Variants in MS4A2 observed in about 807,000 individuals in gnomAD.
MS4A2 encodes the protein membrane spanning 4-domains A2.
Under a neutral mutation model 27.9 loss-of-function variants are expected in MS4A2, and 26 were observed. The ratio of observed to expected loss-of-function variants is 0.93; its 90% CI spans 0.68 to 1.29. The LOEUF is 1.29. MS4A2 is among the 50% of genes most tolerant of loss of function. MS4A2 has a pLI of 0.00. For missense variants in MS4A2, 284 were observed against 284.6 expected (o/e 1.00, Z 0.01); for synonymous variants, 110 against 98.8 (o/e 1.11, Z -0.67).
At position 60,093,498 on chromosome 11, in the gene MS4A2, C is replaced by T; in HGVS notation, c.477C>T (p.Ile159=). The T allele has an allele frequency of 1.2e-6, 2 of 1,614,214 alleles. No individual in the cohort carries two copies. The highest frequency in any genetic ancestry group is 1.7e-6 in the Non-Finnish European group (2 of 1,180,038). Residue 159 remains isoleucine, a synonymous_variant, in exon 5 of 7, where the codon ATC becomes ATT. Transcript: ENST00000278888. ...ACCTGAAGAAGAGCTTGGCCTATAT[C>T]CACATCCACAGTTGCCAGAAATTTT... ...IINLKKSLAY[I]HIHSCQKFFE...
rs748427795 is a variant in MS4A2 at position 60,093,388 on chromosome 11, C to T, written c.379-12C>T. ...TGCAGGCCCAGGTCTGAGTGTTCTT[C>T]ATTATTATCAGGTGAGAGGAAGCCT... On this transcript the variant is annotated splice_polypyrimidine_tract_variant and intron_variant, in intron 4 of 6. Transcript: ENST00000278888. 3.1e-6 allele frequency: 5 copies of T among 1,614,114 alleles called. No individual in the cohort carries two copies. The highest frequency in any genetic ancestry group is 4.2e-6 in the Non-Finnish European group (5 of 1,180,012).
At position 60,095,879 on chromosome 11, in the gene MS4A2, A is replaced by G. The variant is rs1449837021; in HGVS notation, c.*223A>G. The G allele has an allele frequency of 3.7e-6, 2 of 545,612 alleles. No individual in the cohort carries two copies. The highest frequency in any genetic ancestry group is 1.9e-5 in the African/African-American group (1 of 52,478). 33.8% of individuals were successfully genotyped at this position (545,612 alleles called of 1,614,324 possible). A position where few individuals can be genotyped will look rare whatever the true frequency, so the allele number is the denominator to read the frequency against. ...ACTCCTATTTTTCTTGTTTTATATT[A>G]TGACCACACACATCTCTGCTGGAAA... On this transcript the variant is annotated 3_prime_UTR_variant, in exon 7 of 7. Coordinates refer to ENST00000278888, the MANE Select transcript of MS4A2 (RefSeq NM_000139.5).
chr11:60,093,961 T>A lies in MS4A2; in HGVS notation c.538-3T>A, dbSNP rs934640744. On this transcript the variant is annotated splice_polypyrimidine_tract_variant and splice_region_variant and intron_variant, in intron 5 of 6. Transcript: ENST00000278888. Reference sequence around the variant, plus strand: ...TTGTTTGTCATTTGTTGCTGTTCAATAGGAAATTGTAGTGATGATGCTGTT... The same window carrying A: ...TTGTTTGTCATTTGTTGCTGTTCAAAAGGAAATTGTAGTGATGATGCTGTT... 1.2e-6 allele frequency: 2 copies of A among 1,609,516 alleles called. No homozygotes were observed. The highest frequency in any genetic ancestry group is 2.7e-5 in the African/African-American group (2 of 74,844).
chr11:60,095,396 A>T (rs1160830561), intron 6 of MS4A2, among the ~76,000 whole-genome samples, 162 bp from the exon 7 acceptor site: 1 of 152,230 alleles, frequency 6.6e-6, no homozygotes, highest in East Asian at 1.9e-4. Context: ...TTGGCCAGCT[A>T]GTCTGGTTTG....
chr11:60,092,955 G>A (rs1855793419), intron 4 of MS4A2, 107 bp downstream of exon 4: 7 of 1,082,236 alleles, frequency 6.5e-6, no homozygotes, highest in Non-Finnish European at 1.4e-6. Flanking sequence ...ACTTGTGAAT[G>A]TGGATATATG....
chr11:60,094,740 G>T (rs1368511598), intron 6 of MS4A2, among the ~76,000 whole-genome samples: 1 of 152,192 alleles, frequency 6.6e-6, no homozygotes, highest in Non-Finnish European at 1.5e-5. Context: ...CTTGAAGTCA[G>T]GAGTTCAAAA....
At chr11:60,091,295 A>G (rs925336051) in intron 3 of MS4A2, among the ~76,000 whole-genome samples, 2 of 152,198 alleles carry the variant, frequency 1.3e-5, no homozygotes, top group East Asian at 1.9e-4. Flanking sequence ...TTCTCCTGGT[A>G]TCTCTTTTAC....
At chr11:60,095,232 C>T (rs1267995428) in intron 6 of MS4A2, among the ~76,000 whole-genome samples, 5 of 152,138 alleles carry the variant, frequency 3.3e-5, no homozygotes, top group Non-Finnish European at 5.9e-5. Context: ...CACTGCACTC[C>T]AGCCTGGGTG....
intron 3 of MS4A2, among the ~76,000 whole-genome samples, chr11:60,092,378 C>A (rs71488436): frequency 1.3e-5 from 2 of 151,514 alleles, no homozygotes; most frequent in African/African-American, 2.4e-5. Context: ...TCACTGCAAC[C>A]TCTGCCTCCC....
Position 60,092,827 on chromosome 11 carries a change from A to T in MS4A2, c.357A>T (p.Glu119Asp), listed in dbSNP as rs765350132. ...CTGGAATGTTGTCAATTATATCTGA[A>T]AGGAGAAATGCAACATATCTGGTGA... ...SISGMLSIISERRNATYLVRG... is the reference protein window; with the variant it reads ...SISGMLSIISDRRNATYLVRG... The change falls in exon 4 of 7, where the codon GAA becomes GAT. Residue 119 changes from glutamate (E) to aspartate (D), a missense_variant. Physicochemically the swap from Glu to Asp is conservative, Grantham distance 45. Coordinates refer to ENST00000278888, the MANE Select transcript of MS4A2 (RefSeq NM_000139.5). 1 of 1,614,008 alleles carries T rather than the reference A, an allele frequency of 6.2e-7. No homozygotes were observed. Among genetic ancestry groups the T allele is most frequent in the Admixed American group, 1.7e-5 (1 of 60,022 alleles).
rs1855890619 is a variant in MS4A2, at chr11:60,097,474, A to G, written c.*1818A>G. The G allele has an allele frequency of 6.6e-6, 1 of 152,244 alleles. No homozygotes were observed. The highest frequency in any genetic ancestry group is 2.4e-5 in the African/African-American group (1 of 41,470). 9.4% of individuals were successfully genotyped at this position (152,244 alleles called of 1,614,324 possible). A position where few individuals can be genotyped will look rare whatever the true frequency, so the allele number is the denominator to read the frequency against. ...ATTGTGATGAGTAAATGAATAAAAC[A>G]TTTGCAAAGACCTTTAGAGAAAGAG... is the stretch of plus-strand genomic sequence containing the variant. On this transcript the variant is annotated 3_prime_UTR_variant, in exon 7 of 7. Coordinates refer to ENST00000278888, the MANE Select transcript of MS4A2 (RefSeq NM_000139.5).
upstream of MS4A2, chr11:60,088,605 G>T: frequency 6.8e-7 from 1 of 1,473,828 alleles, no homozygotes; most frequent in East Asian, 2.5e-5. Flanking sequence ...AATCAGCCAA[G>T]AAACTTATCT....
intron 2 of MS4A2, 61 bp downstream of exon 2, chr11:60,089,882 G>A (rs1855726110): frequency 6.2e-7 from 1 of 1,602,054 alleles, no homozygotes; most frequent in Non-Finnish European, 8.5e-7. Context: ...AGAATATTGA[G>A]TTGCATCAAC....
In MS4A2 at chr11:60,096,011, T is replaced by C. The variant is rs913113577; in HGVS notation, c.*355T>C. Reference sequence around the variant, plus strand: ...GTTAAACTTTGACAGTTTGATAATATTTGGTTCTTAGGGTTTTTTTTTTTT... The same window carrying C: ...GTTAAACTTTGACAGTTTGATAATACTTGGTTCTTAGGGTTTTTTTTTTTT... On this transcript the variant is annotated 3_prime_UTR_variant, in exon 7 of 7. Coordinates refer to ENST00000278888, the MANE Select transcript of MS4A2 (RefSeq NM_000139.5). 1 of 275,268 alleles carries C rather than the reference T, an allele frequency of 3.6e-6. No individual in the cohort carries two copies. Among genetic ancestry groups the C allele is most frequent in the Non-Finnish European group, 6.9e-6 (1 of 145,058 alleles). 17.1% of individuals were successfully genotyped at this position (275,268 alleles called of 1,614,324 possible). A position where few individuals can be genotyped will look rare whatever the true frequency, so the allele number is the denominator to read the frequency against.
rs766717343 is a variant in MS4A2, at chr11:60,095,570, C to A, written c.649C>A (p.Arg217Ser). ...ELKGNKVPED[R>S]VYEELNIYSA... ...TTTCCCTTATCAGGTTCCAGAGGAT[C>A]GTGTTTATGAAGAATTAAACATATA... The change falls in exon 7 of 7, where the codon CGT becomes AGT. Residue 217 changes from arginine to serine, a missense_variant. Arg to Ser is a moderately radical substitution (Grantham distance 110). Transcript: ENST00000278888. The A allele has an allele frequency of 1.2e-6, 2 of 1,607,230 alleles. No individual in the cohort carries two copies. The highest frequency in any genetic ancestry group is 2.7e-5 in the African/African-American group (2 of 74,852).
rs1458475217 is a variant in MS4A2 at position 60,088,754 on chromosome 11, G to C, written c.-12G>C. On this transcript the variant is annotated 5_prime_UTR_variant, in exon 1 of 7. Transcript: ENST00000278888. ...ATATTCTTTATTCCTGGACAGCTCG[G>C]TTAATGAAAAAATGGACACAGAAAG... 1 of 1,610,168 alleles carries C rather than the reference G, an allele frequency of 6.2e-7. No homozygotes were observed.
chr11:60,090,995 T>C (rs573855351), intron 3 of MS4A2, among the ~76,000 whole-genome samples: 3 of 152,014 alleles, frequency 2.0e-5, no homozygotes, highest in East Asian at 1.9e-4. Flanking sequence ...CTACTAAATA[T>C]AAAAAATTAG....
Position 60,089,742 on chromosome 11 carries a change from G to T in MS4A2, c.107G>T (p.Gly36Val), listed in dbSNP as rs1855722085. 6.2e-7 allele frequency: 1 copy of T among 1,614,150 alleles called. No individual in the cohort carries two copies. Among genetic ancestry groups the T allele is most frequent in the Non-Finnish European group, 8.5e-7 (1 of 1,180,008 alleles). The change falls in exon 2 of 7, where the codon GGC becomes GTC. Residue 36 changes from glycine to valine, a missense_variant. Gly to Val is a moderately radical substitution (Grantham distance 109). Coordinates refer to ENST00000278888, the MANE Select transcript of MS4A2 (RefSeq NM_000139.5). ...LEISPQEVSS[G>V]RLLKSASSPP... ...ATATCTCCCCAGGAAGTATCTTCAGGCAGACTATTGAAGTCGGCCTCATCC... is the reference window on the plus strand; with the variant it reads ...ATATCTCCCCAGGAAGTATCTTCAGTCAGACTATTGAAGTCGGCCTCATCC...
At chr11:60,090,119 C>T (rs1003597635) in intron 2 of MS4A2, among the ~76,000 whole-genome samples, 1 of 152,106 alleles carries the variant, frequency 6.6e-6, no homozygotes, top group Non-Finnish European at 1.5e-5. Flanking sequence ...TACATAAAGG[C>T]GCATGGAGAA....
Sources: gnomAD v4.1 joint callset for allele counts (sites outside exome capture counted in the v4.1 genomes callset) on GRCh38, gnomAD v4.1.1 for gene constraint, MANE v1.5 for transcripts, NCBI Gene and HGNC (gene_info 2026-07-23, HGNC 2026-07-21) for gene names.